SLC39A11: variants seen among roughly 807,000 people sequenced by gnomAD.
The protein encoded by SLC39A11 is solute carrier family 39 member 11.
In SLC39A11, 33 loss-of-function variants were observed where a neutral mutation model predicts 36.1. The observed-to-expected ratio is 0.91, with a 90% CI of 0.69 to 1.22. The LOEUF (loss-of-function observed/expected upper bound fraction) is 1.22. SLC39A11 is among the 50% of genes most tolerant of loss of function. The pLI, the probability that SLC39A11 is intolerant of heterozygous loss-of-function variation, is 0.00. For missense variants in SLC39A11, 432 were observed against 430.3 expected (o/e 1.00, Z -0.03); for synonymous variants, 166 against 170.3 (o/e 0.97, Z 0.20).
At chr17:72,950,042 G>T (rs191561013) in intron 4 of SLC39A11, among the ~76,000 whole-genome samples, 1 of 151,754 alleles carries the variant, frequency 6.6e-6, no homozygotes, top group East Asian at 1.9e-4. Context: ...TTAAGAAAGA[G>T]AACCTAATGA....
intron 7 of SLC39A11, among the ~76,000 whole-genome samples, chr17:72,654,703 C>T (rs1023352783): frequency 1.3e-5 from 2 of 152,204 alleles, no homozygotes; most frequent in African/African-American, 4.8e-5. Flanking sequence ...AAGGCCAAGG[C>T]TTCTGATATC....
chr17:72,971,686 G>A (rs2087468741), intron 4 of SLC39A11, among the ~76,000 whole-genome samples: 1 of 152,180 alleles, frequency 6.6e-6, no homozygotes, highest in Non-Finnish European at 1.5e-5. Flanking sequence ...CCGCCCCCCA[G>A]GAGGACTACC....
At chr17:72,971,336 A>ACACACACT (rs1555657685) in intron 4 of SLC39A11, among the ~76,000 whole-genome samples, 15 of 143,412 alleles carry the variant, frequency 1.0e-4, no homozygotes, top group African/African-American at 3.6e-4. Context: ...ACACACACAC[A>ACACACACT]CTCTCTCTCT....
chr17:72,715,453 T>C (rs954324186), intron 7 of SLC39A11, among the ~76,000 whole-genome samples: 1 of 152,150 alleles, frequency 6.6e-6, no homozygotes, highest in Non-Finnish European at 1.5e-5. Flanking sequence ...TGCAACCTAA[T>C]ATTGTTCAGC....
intron 6 of SLC39A11, among the ~76,000 whole-genome samples, chr17:72,817,491 C>T (rs116334017): frequency 0.016 from 2,482 of 152,144 alleles, 78 homozygotes; most frequent in African/African-American, 0.056. Flanking sequence ...CCAAGCACCT[C>T]CCACCAGGCC....
intron 6 of SLC39A11, chr17:72,821,509 A>C (rs2077781366): frequency 6.0e-5 from 2 of 33,066 alleles, no homozygotes; most frequent in Non-Finnish European, 1.6e-4. Flanking sequence ...CTGTCACGAA[A>C]AAAAAAAAAA....
At chr17:72,957,573 C>T (rs1012761897) in intron 4 of SLC39A11, among the ~76,000 whole-genome samples, 1 of 152,240 alleles carries the variant, frequency 6.6e-6, no homozygotes, top group Non-Finnish European at 1.5e-5. Flanking sequence ...AATCCCAGCA[C>T]TTTGGGAGGC....
intron 4 of SLC39A11, among the ~76,000 whole-genome samples, chr17:72,954,784 C>G (rs1253425678): frequency 2.0e-5 from 3 of 152,142 alleles, no homozygotes; most frequent in African/African-American, 7.2e-5. Context: ...CACCAGGCAG[C>G]TGCCCAGGGC....
chr17:72,913,272 C>T (rs554223557), intron 5 of SLC39A11, among the ~76,000 whole-genome samples: 330 of 152,050 alleles, frequency 2.2e-3, no homozygotes, highest in Non-Finnish European at 2.7e-3. Flanking sequence ...GTCGACACAG[C>T]GGACACTGTC....
intron 7 of SLC39A11, among the ~76,000 whole-genome samples, chr17:72,667,601 T>TC (rs2070813544): frequency 6.6e-6 from 1 of 152,178 alleles, no homozygotes; most frequent in Admixed American, 6.5e-5. Context: ...GCTCAGCACC[T>TC]GCTGCTTTGC....
chr17:72,967,185 C>T (rs2087051079), intron 4 of SLC39A11, among the ~76,000 whole-genome samples: 1 of 152,086 alleles, frequency 6.6e-6, no homozygotes, highest in Non-Finnish European at 1.5e-5. Context: ...ATAAAGTGCA[C>T]GATAAGTGTA....
At chr17:73,015,525 T>G (rs2090756704) in intron 4 of SLC39A11, among the ~76,000 whole-genome samples, 1 of 152,166 alleles carries the variant, frequency 6.6e-6, no homozygotes, top group African/African-American at 2.4e-5. Context: ...CCCCAATAAC[T>G]CGTCCTTAAC....
At chr17:72,672,373 C>A (rs934448868) in intron 7 of SLC39A11, among the ~76,000 whole-genome samples, 1 of 152,154 alleles carries the variant, frequency 6.6e-6, no homozygotes, top group East Asian at 1.9e-4. Context: ...AGCTTGAACC[C>A]AGGAGGTGGA....
intron 7 of SLC39A11, among the ~76,000 whole-genome samples, chr17:72,734,472 A>C (rs2074343718): frequency 6.6e-6 from 1 of 152,112 alleles, no homozygotes; most frequent in Admixed American, 6.6e-5. Context: ...CCCTCCAGTG[A>C]TGCTTGTATA....
intron 5 of SLC39A11, among the ~76,000 whole-genome samples, chr17:72,937,884 A>G (rs1477536584): frequency 6.6e-6 from 1 of 152,122 alleles, no homozygotes; most frequent in African/African-American, 2.4e-5. Flanking sequence ...AGACCATATC[A>G]TGCACTTCTC....
In SLC39A11 at chr17:72,652,758, G is replaced by A. The variant is rs530976168; in HGVS notation, c.672-3490C>T. Among the ~76,000 whole-genome samples, 131 of 152,250 alleles carry A rather than the reference G, an allele frequency of 8.6e-4. 1 individual carries two copies. The highest frequency in any genetic ancestry group is 1.0e-3 in the Non-Finnish European group (68 of 68,024). On this transcript the variant is annotated intron_variant, in intron 7 of 9. Transcript: ENST00000255559. ...CTCATCTATGCTTGAGTTTCCATCGGCACTCACTCATTTGCTCTTGTTGAC... is the reference window on the plus strand; with the variant it reads ...CTCATCTATGCTTGAGTTTCCATCGACACTCACTCATTTGCTCTTGTTGAC...
chr17:72,697,928 C>T (rs931540483), intron 7 of SLC39A11, among the ~76,000 whole-genome samples: 4 of 152,192 alleles, frequency 2.6e-5, no homozygotes, highest in Non-Finnish European at 1.5e-5. Flanking sequence ...ACACAAGCTC[C>T]GTTATCACAG....
intron 5 of SLC39A11, among the ~76,000 whole-genome samples, chr17:72,924,490 T>C (rs2083913785): frequency 6.6e-6 from 1 of 152,098 alleles, no homozygotes. Flanking sequence ...TGATCATTGT[T>C]TAGCATGAAT....
At chr17:73,087,628 T>C (rs995966696) in intron 2 of SLC39A11, among the ~76,000 whole-genome samples, 1 of 151,824 alleles carries the variant, frequency 6.6e-6, no homozygotes, top group Non-Finnish European at 1.5e-5. Flanking sequence ...CATATGGGTA[T>C]GGGTATGTGT....
Sources: allele counts gnomAD v4.1 joint callset (sites outside exome capture counted in the v4.1 genomes callset), GRCh38; gene constraint gnomAD v4.1.1; transcripts MANE v1.5; gene names NCBI Gene and HGNC (gene_info 2026-07-23, HGNC 2026-07-21).